PLAGL1: variants seen among roughly 807,000 people sequenced by gnomAD.
PLAGL1 encodes the protein PLAG1 like zinc finger 1, also known as zinc finger protein PLAGL1.
A neutral mutation model predicts 4.6 loss-of-function variants in PLAGL1; 1 was observed. The observed-to-expected ratio is 0.22, with a 90% CI of 0.08 to 1.03. The LOEUF (loss-of-function observed/expected upper bound fraction) is 1.03, where lower values mean the gene tolerates loss of function less well. Among genes scored for constraint, PLAGL1 ranks in the 50% least tolerant of loss-of-function variants. PLAGL1 has a pLI of 0.58. For synonymous variants in PLAGL1, 240 were observed against 237.8 expected (o/e 1.01, Z -0.08); for missense variants, 464 against 570.4 (o/e 0.81, Z 1.90).
intron 1 of PLAGL1, among the ~76,000 whole-genome samples, chr6:144,045,792 T>C (rs1477279295): frequency 6.6e-6 from 1 of 152,232 alleles, no homozygotes; most frequent in Non-Finnish European, 1.5e-5. Flanking sequence ...TTTTCCAGCT[T>C]GGTTCCATTC....
At chr6:143,991,406 G>A (rs967523701) in intron 1 of PLAGL1, among the ~76,000 whole-genome samples, 1 of 152,058 alleles carries the variant, frequency 6.6e-6, no homozygotes, top group Non-Finnish European at 1.5e-5. Context: ...GGCACTGGGG[G>A]GCCGTGATAC....
rs746979190 is a variant in PLAGL1 at position 144,000,790 on chromosome 6, T to C, written c.-584+7300A>G. 5.9e-5 allele frequency among the ~76,000 whole-genome samples: 9 copies of C among 152,130 alleles called. No individual in the cohort carries two copies. Among genetic ancestry groups the C allele is most frequent in the Non-Finnish European group, 1.3e-4 (9 of 67,970 alleles). On this transcript the variant is annotated intron_variant, in intron 1 of 7. Coordinates refer to ENST00000674357, the MANE Select transcript of PLAGL1 (RefSeq NM_001317162.2). This position sits in a 1 kb window ranked among gnomAD's most constrained non-coding sequence, Gnocchi z 4.1. ...GATTTGTTCAGGAAATATGGAGAGCTAGACATTCTAAAACAAACCTTTTAA... is the reference window on the plus strand; with the variant it reads ...GATTTGTTCAGGAAATATGGAGAGCCAGACATTCTAAAACAAACCTTTTAA...
intron 1 of PLAGL1, chr6:144,007,286 G>A (rs891892507): frequency 4.6e-5 from 7 of 152,174 alleles, no homozygotes; most frequent in African/African-American, 1.7e-4. Context: ...TTAATACGCG[G>A]AGGGGCTGCG....
At chr6:144,019,386 T>A (rs1020670850) in intron 1 of PLAGL1, among the ~76,000 whole-genome samples, 13 of 151,820 alleles carry the variant, frequency 8.6e-5, no homozygotes, top group African/African-American at 3.1e-4. Context: ...GCAGGATAGT[T>A]GCTCAAACCT....
rs1362225416 is a variant in PLAGL1, at chr6:143,995,032, T to G, written c.-583-9858A>C. 2.6e-5 allele frequency among the ~76,000 whole-genome samples: 4 copies of G among 152,280 alleles called. No individual in the cohort carries two copies. Among genetic ancestry groups the G allele is most frequent in the Non-Finnish European group, 1.5e-5 (1 of 68,022 alleles). On this transcript the variant is annotated intron_variant, in intron 1 of 7. Transcript: ENST00000674357. This position sits in a 1 kb window ranked among gnomAD's most constrained non-coding sequence, Gnocchi z 4.4. ...AAGAGCAGGCACCCTGTGCTCAGAA[T>G]CCAAGTAATCAGAGGTCAAATGCTT...
intron 1 of PLAGL1, among the ~76,000 whole-genome samples, chr6:144,014,850 G>C (rs756437110): frequency 2.6e-5 from 4 of 152,156 alleles, no homozygotes; most frequent in African/African-American, 4.8e-5. Flanking sequence ...AAGGTGCTGA[G>C]ATTACAGGTG....
Position 143,972,618 on chromosome 6 carries a change from T to C in PLAGL1, c.-543-3640A>G, listed in dbSNP as rs757354513. 1.2e-4 allele frequency among the ~76,000 whole-genome samples: 19 copies of C among 152,184 alleles called. No homozygotes were observed. Among genetic ancestry groups the C allele is most frequent in the Non-Finnish European group, 2.5e-4 (17 of 68,026 alleles). Reference sequence around the variant, plus strand: ...TAAATATATTATTGTAATATTCCCATGCAATACACACAATCCAGAATGGCA... The same window carrying C: ...TAAATATATTATTGTAATATTCCCACGCAATACACACAATCCAGAATGGCA... On this transcript the variant is annotated intron_variant, in intron 2 of 7. Coordinates refer to ENST00000674357, the MANE Select transcript of PLAGL1 (RefSeq NM_001317162.2). The surrounding 1 kb of genome is among the most constrained non-coding windows in gnomAD (Gnocchi z 6.8).
chr6:144,042,740 A>G (rs1241819571), intron 1 of PLAGL1, among the ~76,000 whole-genome samples: 2 of 152,206 alleles, frequency 1.3e-5, no homozygotes, highest in African/African-American at 4.8e-5. Flanking sequence ...TGCGGATGGC[A>G]TTGAATCTAT....
In PLAGL1 at chr6:143,982,640, T is replaced by C. The variant is rs923311488; in HGVS notation, c.-544+2495A>G. On this transcript the variant is annotated intron_variant, in intron 2 of 7. Coordinates refer to ENST00000674357, the MANE Select transcript of PLAGL1 (RefSeq NM_001317162.2). The surrounding 1 kb of genome is among the most constrained non-coding windows in gnomAD (Gnocchi z 5.3). Reference sequence around the variant, plus strand: ...ATGATGAAGGCGTGCACCAGTGCAGTAGCAGAAGAGCTGGGGAGAAGTGGT... The same window carrying C: ...ATGATGAAGGCGTGCACCAGTGCAGCAGCAGAAGAGCTGGGGAGAAGTGGT... Among the ~76,000 whole-genome samples, 1 of 152,196 alleles carries C rather than the reference T, an allele frequency of 6.6e-6. No individual in the cohort carries two copies. Among genetic ancestry groups the C allele is most frequent in the Non-Finnish European group, 1.5e-5 (1 of 68,030 alleles).
At chr6:144,042,243 C>T (rs942819948) in intron 1 of PLAGL1, among the ~76,000 whole-genome samples, 1 of 152,112 alleles carries the variant, frequency 6.6e-6, no homozygotes, top group Admixed American at 6.5e-5. Context: ...GTCATGAAGT[C>T]CTTGCCCATC....
chr6:144,021,517 T>G (rs189913529), intron 1 of PLAGL1, among the ~76,000 whole-genome samples: 1 of 152,186 alleles, frequency 6.6e-6, no homozygotes, highest in East Asian at 1.9e-4. Flanking sequence ...TTTTTAATGA[T>G]GGAATAACTA....
chr6:143,997,102 A>G lies in PLAGL1; in HGVS notation c.-584+10988T>C, dbSNP rs1231581669. Among the ~76,000 whole-genome samples the G allele has an allele frequency of 6.6e-6, 1 of 152,230 alleles. No homozygotes were observed. The highest frequency in any genetic ancestry group is 2.4e-5 in the African/African-American group (1 of 41,458). ...AAATGCACATGAAAACCATGAGACC[A>G]TGAAGCCATGAGATATCACCTCAAA... On this transcript the variant is annotated intron_variant, in intron 1 of 7. Coordinates refer to ENST00000674357, the MANE Select transcript of PLAGL1 (RefSeq NM_001317162.2). The surrounding 1 kb of genome is among the most constrained non-coding windows in gnomAD (Gnocchi z 4.6).
intron 1 of PLAGL1, among the ~76,000 whole-genome samples, chr6:144,047,333 G>A (rs141895472): frequency 6.3e-4 from 96 of 152,208 alleles, no homozygotes; most frequent in African/African-American, 1.3e-3. Flanking sequence ...ATCTTGGAGC[G>A]GACCATTATT....
chr6:143,948,000 C>T lies in PLAGL1; in HGVS notation c.137G>A (p.Arg46Lys), dbSNP rs775732313. 1 of 1,614,058 alleles carries T rather than the reference C, an allele frequency of 6.2e-7. No homozygotes were observed. Among genetic ancestry groups the T allele is most frequent in the Non-Finnish European group, 8.5e-7 (1 of 1,179,914 alleles). ...QPDCGKAFVS[R>K]YKLMRHMATH... Reference sequence around the variant, plus strand: ...AGCCTCTCACCTCATCAATTTATATCTGGAAACAAAGGCTTTGCCACAGTC... The same window carrying T: ...AGCCTCTCACCTCATCAATTTATATTTGGAAACAAAGGCTTTGCCACAGTC... Residue 46 changes from arginine to lysine, a missense_variant, in exon 7 of 8, where the codon AGA becomes AAA. Around this residue, in one of 4 missense-constraint regions of PLAGL1, gnomAD observed 161 missense variants for 196.7 expected, o/e 0.82. Transcript: ENST00000674357. This position sits in a 1 kb window ranked among gnomAD's most constrained non-coding sequence, Gnocchi z 4.3.
chr6:144,037,300 A>AG (rs1318954471), intron 1 of PLAGL1: 2 of 156,074 alleles, frequency 1.3e-5, no homozygotes, highest in Non-Finnish European at 2.9e-5. Flanking sequence ...GTTTTAGGCC[A>AG]GGCACAGTGG....
chr6:144,009,506 G>A (rs1375393747), upstream of PLAGL1, among the ~76,000 whole-genome samples: 2 of 152,138 alleles, frequency 1.3e-5, no homozygotes, highest in African/African-American at 4.8e-5. Flanking sequence ...GAACAAGATG[G>A]CAATTGCTTT....
At chr6:143,969,016 A>T (rs1218117755) in intron 2 of PLAGL1, 38 bp from the exon 3 acceptor site, 1 of 152,114 alleles carries the variant, frequency 6.6e-6, no homozygotes, top group Non-Finnish European at 1.5e-5. Context: ...AAAAAAAAAA[A>T]AAGCATCAAG....
Position 144,028,786 on chromosome 6 carries a change from G to A in PLAGL1, c.-151+35682C>T, listed in dbSNP as rs374763372. Among the ~76,000 whole-genome samples, 29 of 152,270 alleles carry A rather than the reference G, an allele frequency of 1.9e-4. 1 individual carries two copies. In the South Asian group the frequency reaches 2.3e-3, roughly 12 times the overall value. On this transcript the variant is annotated intron_variant, in intron 1 of 3. Coordinates refer to the PLAGL1 transcript ENST00000437412. ...TCCAAAGCAAATGCTTGTTATCTAC[G>A]TGCTGGGACTACAATATCATCCATG...
intron 1 of PLAGL1, among the ~76,000 whole-genome samples, chr6:144,032,284 CTTTT>C (rs11288479): frequency 3.5e-5 from 4 of 113,422 alleles, no homozygotes; most frequent in Admixed American, 9.1e-5. Context: ...CCACACCTGG[CTTTT>C]TTTTTTTTTT....
Sources: gnomAD v4.1 joint callset for allele counts (sites outside exome capture counted in the v4.1 genomes callset) on GRCh38, gnomAD v4.1.1 for gene constraint, gnomAD v4.1.1 regional missense constraint, Gnocchi (gnomAD v3.1) non-coding constraint, MANE v1.5 for transcripts, NCBI Gene and HGNC (gene_info 2026-07-23, HGNC 2026-07-21) for gene names.